SYNE1: variants seen among roughly 807,000 people sequenced by gnomAD.
SYNE1 encodes spectrin repeat containing nuclear envelope protein 1.
In SYNE1, 616 loss-of-function variants were observed where a neutral mutation model predicts 1,111.0. That is an observed-to-expected ratio of 0.55 (90% confidence interval 0.52 to 0.59). The LOEUF is 0.59. Ranked by LOEUF, SYNE1 falls within the 20% of genes least tolerant of loss-of-function variation. The probability of loss-of-function intolerance (pLI) is 0.00; values close to 1 mark genes in which losing one functional copy is unlikely to be tolerated. For missense variants in SYNE1, 10,006 were observed against 10,417.0 expected (o/e 0.96, Z 1.72); for synonymous variants, 3,855 against 3,825.8 (o/e 1.01, Z -0.28).
intron 63 of SYNE1, 150 bp from the exon 64 acceptor site, chr6:152,362,473 A>G: frequency 9.9e-7 from 1 of 1,012,774 alleles, no homozygotes; most frequent in Non-Finnish European, 1.5e-6. Context: ...CCCAGGGCTT[A>G]AGGACACTGA....
intron 98 of SYNE1, among the ~76,000 whole-genome samples, chr6:152,274,782 G>A (rs561964791): frequency 1.4e-4 from 22 of 152,242 alleles, no homozygotes; most frequent in African/African-American, 5.3e-4. Context: ...TTTTAGTATA[G>A]ACGGAGTTTC....
At chr6:152,142,164 G>T (rs73780337) in intron 138 of SYNE1, among the ~76,000 whole-genome samples, 4,055 of 152,156 alleles carry the variant, frequency 0.027, 191 homozygotes, top group African/African-American at 0.093. Flanking sequence ...ATGCCTTAAA[G>T]ATATACTTTG....
chr6:152,574,684 T>A (rs955015139), intron 3 of SYNE1, among the ~76,000 whole-genome samples: 1 of 152,228 alleles, frequency 6.6e-6, no homozygotes, highest in Non-Finnish European at 1.5e-5. Context: ...ACTTGAAGGA[T>A]ATACACTTTA....
chr6:152,213,578 T>C, intron 123 of SYNE1, 34 bp downstream of exon 123: 1 of 1,613,418 alleles, frequency 6.2e-7, no homozygotes, highest in Middle Eastern at 1.7e-4. Context: ...CCTAAAAATT[T>C]CTTATTACCC....
At chr6:152,143,888 T>C in intron 137 of SYNE1, 123 bp from the exon 138 acceptor site, 3 of 1,436,722 alleles carry the variant, frequency 2.1e-6, no homozygotes, top group Non-Finnish European at 2.9e-6. Context: ...CAGGTGTGGG[T>C]AATTACAAAG....
chr6:152,193,904 T>G (rs1172255076), intron 127 of SYNE1, among the ~76,000 whole-genome samples: 1 of 151,224 alleles, frequency 6.6e-6, no homozygotes, highest in African/African-American at 2.4e-5. Flanking sequence ...TCCCAGCTAC[T>G]CAGGAGGCTG....
chr6:152,405,387 A>G (rs554603026), intron 45 of SYNE1, among the ~76,000 whole-genome samples: 1 of 152,356 alleles, frequency 6.6e-6, no homozygotes, highest in African/African-American at 2.4e-5. Flanking sequence ...GGTAAGCTAC[A>G]ACATGACGTC....
intron 11 of SYNE1, among the ~76,000 whole-genome samples, chr6:152,493,467 C>T (rs1416091502): frequency 6.6e-6 from 1 of 152,200 alleles, no homozygotes; most frequent in Non-Finnish European, 1.5e-5. Flanking sequence ...GGCTGTACTG[C>T]TGCAAGGCTT....
chr6:152,382,866 A>G (rs1008946330), intron 55 of SYNE1, among the ~76,000 whole-genome samples: 2 of 152,228 alleles, frequency 1.3e-5, no homozygotes, highest in Non-Finnish European at 2.9e-5. Flanking sequence ...TAAGGACATC[A>G]TCATTGTCAA....
In SYNE1 at chr6:152,329,893, T is replaced by C; in HGVS notation, c.14792A>G (p.Gln4931Arg). 6.2e-7 allele frequency: 1 copy of C among 1,614,176 alleles called. No homozygotes were observed. The highest frequency in any genetic ancestry group is 8.5e-7 in the Non-Finnish European group (1 of 1,180,028). ...QEEIRKIQIHQEEVQSSLRIM... is the reference protein window; with the variant it reads ...QEEIRKIQIHREEVQSSLRIM... ...TCTCAAGCTGGACTGGACCTCTTCC[T>C]GATGAATTTGGATTTTTCTGATTTC... The change falls in exon 78 of 146, where the codon CAG becomes CGG. Residue 4931 changes from glutamine to arginine, a missense_variant. Physicochemically the swap from Gln to Arg is conservative, Grantham distance 43. Coordinates refer to ENST00000367255, the MANE Select transcript of SYNE1 (RefSeq NM_182961.4).
chr6:152,430,407 T>A (rs2098418170), intron 35 of SYNE1, 75 bp downstream of exon 35: 2 of 1,352,560 alleles, frequency 1.5e-6, no homozygotes, highest in African/African-American at 1.4e-5. Flanking sequence ...CCACTATTTG[T>A]AAAGTATTTA....
chr6:152,368,930 A>G, intron 61 of SYNE1, 42 bp downstream of exon 61: 1 of 1,613,752 alleles, frequency 6.2e-7, no homozygotes. Context: ...CAATTTTGCG[A>G]CATCAGTATC....
At chr6:152,230,376 T>C (rs1303003027) in intron 115 of SYNE1, among the ~76,000 whole-genome samples, 171 bp downstream of exon 115, 1 of 152,170 alleles carries the variant, frequency 6.6e-6, no homozygotes, top group Admixed American at 6.5e-5. Flanking sequence ...AAAAACCTAA[T>C]GTATTTTAAA....
At chr6:152,345,707 A>C (rs1432657045) in intron 73 of SYNE1, among the ~76,000 whole-genome samples, 2 of 152,150 alleles carry the variant, frequency 1.3e-5, no homozygotes, top group African/African-American at 4.8e-5. Flanking sequence ...AGTAAACAAA[A>C]ATACACAGAA....
chr6:152,577,459 C>T (rs184269509), intron 3 of SYNE1, among the ~76,000 whole-genome samples: 86 of 152,216 alleles, frequency 5.6e-4, no homozygotes, highest in African/African-American at 2.0e-3. Flanking sequence ...AGTGAAACCC[C>T]GTCTCTACTA....
At chr6:152,176,993 T>C (rs2066622101) in intron 129 of SYNE1, among the ~76,000 whole-genome samples, 1 of 152,138 alleles carries the variant, frequency 6.6e-6, no homozygotes, top group South Asian at 2.1e-4. Context: ...ATATATGCAA[T>C]TGATATATAG....
chr6:152,268,406 C>G (rs1029732314), intron 99 of SYNE1, among the ~76,000 whole-genome samples: 34 of 142,748 alleles, frequency 2.4e-4, no homozygotes, highest in South Asian at 1.1e-3. Flanking sequence ...AAAAAAAAAC[C>G]ACCAATGGGA....
intron 9 of SYNE1, 28 bp from the exon 10 acceptor site, chr6:152,502,770 A>G: frequency 6.8e-7 from 1 of 1,476,176 alleles, no homozygotes; most frequent in Non-Finnish European, 9.5e-7. Flanking sequence ...AAATGTGAAT[A>G]AACTAATTAG....
intron 90 of SYNE1, among the ~76,000 whole-genome samples, chr6:152,309,368 A>G (rs1249704692): frequency 2.0e-5 from 3 of 152,222 alleles, no homozygotes; most frequent in African/African-American, 7.2e-5. Flanking sequence ...TCTTCCTGGT[A>G]AATGATTTTC....
Sources: allele counts gnomAD v4.1 joint callset (sites outside exome capture counted in the v4.1 genomes callset), GRCh38; gene constraint gnomAD v4.1.1; transcripts MANE v1.5; gene names NCBI Gene and HGNC (gene_info 2026-07-23, HGNC 2026-07-21).